HARBI1: variants seen among roughly 807,000 people sequenced by gnomAD.
HARBI1 encodes the protein harbinger transposase derived 1.
HARBI1 carries 15 observed loss-of-function variants against 25.3 expected under a neutral mutation model. That is an observed-to-expected ratio of 0.59 (90% CI 0.40 to 0.91). The LOEUF is 0.91. HARBI1 is among the 40% of genes least tolerant of loss of function. The pLI is 0.00. For synonymous variants in HARBI1, 168 were observed against 160.5 expected, an observed-to-expected ratio of 1.05 and a Z score of -0.35; for missense variants, 396 against 445.8, an observed-to-expected ratio of 0.89 and a Z score of 1.01.
Position 46,603,847 on chromosome 11 carries a change from C to T in HARBI1, c.733G>A (p.Ala245Thr). 1 of 1,614,048 alleles carries T rather than the reference C, an allele frequency of 6.2e-7. No homozygotes were observed. The highest frequency in any genetic ancestry group is 8.5e-7 in the Non-Finnish European group (1 of 1,179,978). Residue 245 changes from alanine (A) to threonine (T), a missense_variant, in exon 3 of 3, where the codon GCA becomes ACA. Coordinates refer to ENST00000326737, the MANE Select transcript of HARBI1 (RefSeq NM_173811.4). Reference sequence around the variant, plus strand: ...TGGGCCATGTTATAGCGATATTCTGCTGGAGTTTCAGGAATGTGAAGTGGG... The same window carrying T: ...TGGGCCATGTTATAGCGATATTCTGTTGGAGTTTCAGGAATGTGAAGTGGG... ...MTPLHIPETP[A>T]EYRYNMAHSA...
Position 46,604,576 on chromosome 11 carries a change from G to A in HARBI1, c.671-667C>T, listed in dbSNP as rs1003656089. The stretch of plus-strand genomic sequence containing the variant: ...CAAGAGATCCCAAAACACTTGTGAG[G>A]GGAAGTCTTAACTTTACCCTCAAAA... On this transcript the variant is annotated intron_variant, in intron 2 of 2. Transcript: ENST00000326737. 27 of 985,204 alleles carry A rather than the reference G, an allele frequency of 2.7e-5. No homozygotes were observed. In the African/African-American group the frequency reaches 4.7e-4, roughly 17 times the overall value. The allele number at this position is 985,204 out of a possible 1,614,324, so 61.0% of individuals were successfully genotyped here. A position where few individuals can be genotyped will look rare whatever the true frequency, so the allele number is the denominator to read the frequency against.
At position 46,603,104 on chromosome 11, in the gene HARBI1, C is replaced by A. The variant is rs2044821581; in HGVS notation, c.*426G>T. 6.5e-6 allele frequency: 1 copy of A among 154,070 alleles called. No individual in the cohort carries two copies. The allele number at this position is 154,070 out of a possible 1,614,324, so 9.5% of individuals were successfully genotyped here. A position where few individuals can be genotyped will look rare whatever the true frequency, so the allele number is the denominator to read the frequency against. On this transcript the variant is annotated 3_prime_UTR_variant, in exon 3 of 3. Transcript: ENST00000326737. ...AGGTGATCCGCCCGCCTCGGCCTCC[C>A]AAAGTGCTGGGATTACAGGCGTGAG...
At chr11:46,613,135 A>G (rs1230112233) in intron 2 of HARBI1, among the ~76,000 whole-genome samples, 3 of 150,948 alleles carry the variant, frequency 2.0e-5, no homozygotes, top group Admixed American at 6.6e-5. Flanking sequence ...ATGCGCCACC[A>G]TGTCCAGCTA....
rs2044880936 is a variant in HARBI1 at position 46,604,946 on chromosome 11, C to CA, written c.671-1038dup. Among the ~76,000 whole-genome samples, 18 of 152,260 alleles carry CA rather than the reference C, an allele frequency of 1.2e-4. No individual in the cohort carries two copies. In the South Asian group the frequency reaches 3.7e-3, roughly 32 times the overall value. On this transcript the variant is annotated intron_variant, in intron 2 of 2. Coordinates refer to ENST00000326737, the MANE Select transcript of HARBI1 (RefSeq NM_173811.4). ...GGAAGTGCTAACAAAACAACAACAA[C>CA]AAAAAACTGGGGTGCAATGCCCTGA...
At chr11:46,612,477 C>A (rs1460933908) in intron 2 of HARBI1, among the ~76,000 whole-genome samples, 1 of 152,000 alleles carries the variant, frequency 6.6e-6, no homozygotes, top group Non-Finnish European at 1.5e-5. Context: ...CTCCTCAGAG[C>A]TGTACAGTCA....
In HARBI1 at chr11:46,616,396, AG is replaced by A; in HGVS notation, c.-144-16del. The A allele has an allele frequency of 7.0e-7, 1 of 1,426,364 alleles. No homozygotes were observed. Among genetic ancestry groups the A allele is most frequent in the Non-Finnish European group, 9.1e-7 (1 of 1,097,122 alleles). The allele number at this position is 1,426,364 out of a possible 1,614,324, so 88.4% of individuals were successfully genotyped here. ...TAATCTTCTCTCTGTAAATGTTAAA[AG>A]AAAAAACATTAGGAACCTACCAAAG... On this transcript the variant is annotated splice_polypyrimidine_tract_variant and intron_variant, in intron 1 of 2. Coordinates refer to ENST00000326737, the MANE Select transcript of HARBI1 (RefSeq NM_173811.4).
chr11:46,615,567 C>T lies in HARBI1; in HGVS notation c.670+1G>A, dbSNP rs759443202. ...ATGAAAATTCACACTTGCAAACTTA[C>T]CCAGAAGCCAGCTATCTTTGTGCAT... On this transcript the variant is annotated splice_donor_variant, in intron 2 of 2. Coordinates refer to ENST00000326737, the MANE Select transcript of HARBI1 (RefSeq NM_173811.4). LOFTEE classifies it high-confidence loss of function. 1 of 1,610,898 alleles carries T rather than the reference C, an allele frequency of 6.2e-7. No homozygotes were observed. Among genetic ancestry groups the T allele is most frequent in the Non-Finnish European group, 8.5e-7 (1 of 1,177,606 alleles).
chr11:46,603,995 G>A, intron 2 of HARBI1, 86 bp from the exon 3 acceptor site: 2 of 1,472,326 alleles, frequency 1.4e-6, no homozygotes, highest in Admixed American at 2.4e-5. Flanking sequence ...TACTGACAAT[G>A]GACAAGAAAA....
chr11:46,614,165 C>T (rs1023232321), intron 2 of HARBI1, among the ~76,000 whole-genome samples: 40 of 151,256 alleles, frequency 2.6e-4, no homozygotes, highest in Non-Finnish European at 4.6e-4. Context: ...TGGTGGCTCA[C>T]GCCTGTAATC....
chr11:46,610,693 G>T (rs549867974), intron 2 of HARBI1, among the ~76,000 whole-genome samples: 2 of 152,114 alleles, frequency 1.3e-5, no homozygotes, highest in East Asian at 3.9e-4. Context: ...TTCGTTAAAT[G>T]TTGCTACAGT....
intron 2 of HARBI1, 67 bp from the exon 3 acceptor site, chr11:46,603,976 G>T: frequency 6.6e-7 from 1 of 1,512,160 alleles, no homozygotes; most frequent in Non-Finnish European, 8.8e-7. Flanking sequence ...GTGAAATTCA[G>T]AAAACATATA....
At chr11:46,607,478 A>G (rs1184145954) in intron 2 of HARBI1, among the ~76,000 whole-genome samples, 1 of 152,216 alleles carries the variant, frequency 6.6e-6, no homozygotes, top group Non-Finnish European at 1.5e-5. Flanking sequence ...GTAAAAGAGA[A>G]TAAAATAAGT....
At chr11:46,610,195 C>G (rs1351969468) in intron 2 of HARBI1, among the ~76,000 whole-genome samples, 1 of 151,866 alleles carries the variant, frequency 6.6e-6, no homozygotes, top group Admixed American at 6.6e-5. Flanking sequence ...TGGCAGGCAC[C>G]TATGGTCCCA....
Position 46,605,744 on chromosome 11 carries a change from C to T in HARBI1, c.671-1835G>A, listed in dbSNP as rs190247652. ...CTGGGACTACAGGCACACGCCACCA[C>T]GCCCGGCTAATTTTTTGTGTTTTTA... On this transcript the variant is annotated intron_variant, in intron 2 of 2. Transcript: ENST00000326737. 4.7e-3 allele frequency among the ~76,000 whole-genome samples: 714 copies of T among 151,754 alleles called. 26 individuals carry two copies. Among genetic ancestry groups the T allele is most frequent in the Non-Finnish European group, 9.9e-4 (67 of 67,914 alleles).
intron 2 of HARBI1, among the ~76,000 whole-genome samples, chr11:46,613,697 G>C (rs113301745): frequency 6.3e-4 from 96 of 152,102 alleles, no homozygotes; most frequent in African/African-American, 2.2e-3. Flanking sequence ...TGGACAGGCT[G>C]GTCTTGAACG....
At position 46,603,523 on chromosome 11, in the gene HARBI1, T is replaced by C; in HGVS notation, c.*7A>G. 1.3e-6 allele frequency: 2 copies of C among 1,572,102 alleles called. No homozygotes were observed. The highest frequency in any genetic ancestry group is 1.7e-6 in the Non-Finnish European group (2 of 1,156,050). ...CTGGGAAGTATCCCTCCTCTCCACC[T>C]TCTACATTAGCTAAAATGAGTGAGC... On this transcript the variant is annotated 3_prime_UTR_variant, in exon 3 of 3. Coordinates refer to ENST00000326737, the MANE Select transcript of HARBI1 (RefSeq NM_173811.4).
intron 2 of HARBI1, among the ~76,000 whole-genome samples, chr11:46,608,507 C>T (rs536529193): frequency 7.2e-5 from 11 of 152,156 alleles, no homozygotes; most frequent in East Asian, 1.9e-4. Flanking sequence ...TGCAATAGCA[C>T]GATCGTAGCT....
intron 2 of HARBI1, among the ~76,000 whole-genome samples, chr11:46,610,330 G>T (rs1042634057): frequency 6.8e-6 from 1 of 146,800 alleles, no homozygotes; most frequent in Non-Finnish European, 1.5e-5. Context: ...AAAAATACAT[G>T]TGTGTGTATG....
At chr11:46,614,144 TA>T (rs1234458709) in intron 2 of HARBI1, among the ~76,000 whole-genome samples, 8 of 150,990 alleles carry the variant, frequency 5.3e-5, no homozygotes, top group Admixed American at 6.6e-5. Context: ...TATATATATA[TA>T]GGCTGGGCAT....
Sources: allele counts gnomAD v4.1 joint callset (sites outside exome capture counted in the v4.1 genomes callset), GRCh38; gene constraint gnomAD v4.1.1; transcripts MANE v1.5; gene names NCBI Gene and HGNC (gene_info 2026-07-23, HGNC 2026-07-21).